HMCN1: variants seen among roughly 807,000 people sequenced by gnomAD.
HMCN1 encodes hemicentin 1, also known as hemicentin-1.
A neutral mutation model predicts 625.9 loss-of-function variants in HMCN1; 321 were observed. That is an observed-to-expected ratio of 0.51 (90% confidence interval 0.47 to 0.56). The LOEUF (loss-of-function observed/expected upper bound fraction) is 0.56. Among genes scored for constraint, HMCN1 ranks in the 20% least tolerant of loss-of-function variants. The probability of loss-of-function intolerance (pLI) is 0.00; values close to 1 mark genes in which losing one functional copy is unlikely to be tolerated. For missense variants in HMCN1, 6,588 were observed against 6,887.3 expected (o/e 0.96, Z 1.54); for synonymous variants, 2,425 against 2,417.6 (o/e 1.00, Z -0.09).
At chr1:185,751,348 C>A (rs999588346) in intron 1 of HMCN1, among the ~76,000 whole-genome samples, 3 of 151,874 alleles carry the variant, frequency 2.0e-5, no homozygotes, top group Non-Finnish European at 2.9e-5. Flanking sequence ...TTTCTGACTT[C>A]TTTTGTTGTT....
chr1:186,173,293 T>C (rs530882574), intron 102 of HMCN1, among the ~76,000 whole-genome samples: 27 of 152,274 alleles, frequency 1.8e-4, no homozygotes, highest in African/African-American at 6.5e-4. Context: ...AAGTTCATGG[T>C]GGTTTAGTAT....
At chr1:185,738,281 C>G (rs545714922) in intron 1 of HMCN1, among the ~76,000 whole-genome samples, 118 of 152,252 alleles carry the variant, frequency 7.8e-4, no homozygotes, top group African/African-American at 2.7e-3. Flanking sequence ...AAAACAAATC[C>G]TGCACCCTTC....
chr1:185,799,251 C>A (rs1255073363), intron 1 of HMCN1, among the ~76,000 whole-genome samples: 1 of 152,146 alleles, frequency 6.6e-6, no homozygotes, highest in African/African-American at 2.4e-5. Context: ...TGGTGGAAGT[C>A]TCAAGAGGCT....
At position 186,143,742 on chromosome 1, in the gene HMCN1, G is replaced by A. The variant is rs139162180; in HGVS notation, c.13925-431G>A. On this transcript the variant is annotated intron_variant, in intron 89 of 106. Coordinates refer to ENST00000271588, the MANE Select transcript of HMCN1 (RefSeq NM_031935.3). ...TGTCTAGGGTCCAAATTATCTTTGT[G>A]GAAATATTTGTATTGTCTATAACCA... is the stretch of plus-strand genomic sequence containing the variant. Among the ~76,000 whole-genome samples the A allele has an allele frequency of 3.7e-3, 569 of 152,248 alleles. 7 individuals carry two copies. Among genetic ancestry groups the A allele is most frequent in the African/African-American group, 0.013 (552 of 41,542 alleles).
intron 10 of HMCN1, among the ~76,000 whole-genome samples, chr1:185,929,473 T>C (rs1360294822): frequency 6.6e-6 from 1 of 152,196 alleles, no homozygotes; most frequent in African/African-American, 2.4e-5. Context: ...TCAGCATTTA[T>C]CTATAATTGG....
At chr1:185,930,994 T>C (rs1022784915) in intron 10 of HMCN1, among the ~76,000 whole-genome samples, 4 of 151,764 alleles carry the variant, frequency 2.6e-5, no homozygotes, top group African/African-American at 9.7e-5. Flanking sequence ...CGAAAACTTG[T>C]CAAGGGCATG....
intron 9 of HMCN1, among the ~76,000 whole-genome samples, 160 bp from the exon 10 acceptor site, chr1:185,928,386 A>G (rs1667380885): frequency 6.6e-6 from 1 of 152,152 alleles, no homozygotes; most frequent in African/African-American, 2.4e-5. Flanking sequence ...TAAAATATAA[A>G]TGGTGTGTCA....
intron 64 of HMCN1, among the ~76,000 whole-genome samples, chr1:186,091,696 T>C (rs1659852104): frequency 6.6e-6 from 1 of 152,008 alleles, no homozygotes; most frequent in Non-Finnish European, 1.5e-5. Flanking sequence ...GATTACTTCA[T>C]CACAAAATCC....
At position 186,184,110 on chromosome 1, in the gene HMCN1, A is replaced by G. The variant is rs926437688; in HGVS notation, c.16414+1823A>G. On this transcript the variant is annotated intron_variant, in intron 105 of 106. Transcript: ENST00000271588. Reference sequence around the variant, plus strand: ...ACTCACTTAGTTCAAAACGTTCTTCAGCTTTCAGTTGTGCTACAGAGAGTG... The same window carrying G: ...ACTCACTTAGTTCAAAACGTTCTTCGGCTTTCAGTTGTGCTACAGAGAGTG... 4.6e-5 allele frequency among the ~76,000 whole-genome samples: 7 copies of G among 152,240 alleles called. No homozygotes were observed. In the East Asian group the frequency reaches 1.4e-3, roughly 29 times the overall value.
intron 68 of HMCN1, among the ~76,000 whole-genome samples, chr1:186,098,216 A>T (rs907698726): frequency 1.3e-5 from 2 of 152,128 alleles, no homozygotes; most frequent in African/African-American, 4.8e-5. Flanking sequence ...ATTATATCAA[A>T]CAAAAAGCTT....
chr1:186,147,942 C>T (rs1005780474), intron 93 of HMCN1, among the ~76,000 whole-genome samples: 4 of 152,190 alleles, frequency 2.6e-5, no homozygotes, highest in African/African-American at 7.2e-5. Context: ...ACAAGAATGA[C>T]ATTTGCCACA....
intron 2 of HMCN1, among the ~76,000 whole-genome samples, chr1:185,860,852 A>G (rs1247996258): frequency 6.6e-6 from 1 of 152,184 alleles, no homozygotes; most frequent in East Asian, 1.9e-4. Context: ...ATGTTTCACA[A>G]AGTGGCTTTT....
At chr1:186,068,535 T>C (rs187747029) in intron 50 of HMCN1, among the ~76,000 whole-genome samples, 1 of 152,192 alleles carries the variant, frequency 6.6e-6, no homozygotes, top group African/African-American at 2.4e-5. Context: ...TTCTGAATAG[T>C]CAGGGGGTAT....
rs79284022 is a variant in HMCN1, at chr1:186,060,891, A to C, written c.7313-960A>C. Among the ~76,000 whole-genome samples, 297 of 151,988 alleles carry C rather than the reference A, an allele frequency of 2.0e-3. 11 individuals are homozygous for C. The South Asian group carries it at 0.039, about 20-fold the overall frequency. On this transcript the variant is annotated intron_variant, in intron 46 of 106. Transcript: ENST00000271588. ...CTAGGACTCTTTTCCTAACCATCTG[A>C]TCACAGGTGTCTTTCTAAGCACGAA...
chr1:186,055,087 G>T lies in HMCN1; in HGVS notation c.6863-306G>T, dbSNP rs533002815. On this transcript the variant is annotated intron_variant, in intron 44 of 106. Coordinates refer to ENST00000271588, the MANE Select transcript of HMCN1 (RefSeq NM_031935.3). ...TTAAATAAGTATTAGGAAGACTTAC[G>T]TAAGGCAGGGCTACAAGTGATAAGT... Among the ~76,000 whole-genome samples the T allele has an allele frequency of 3.3e-5, 5 of 152,034 alleles. No homozygotes were observed. In the East Asian group the frequency reaches 9.7e-4, roughly 29 times the overall value.
Position 185,846,626 on chromosome 1 carries a change from C to G in HMCN1, c.339+530C>G, listed in dbSNP as rs1352737069. Among the ~76,000 whole-genome samples, 3 of 152,258 alleles carry G rather than the reference C, an allele frequency of 2.0e-5. No individual in the cohort carries two copies. The East Asian group carries it at 5.8e-4, about 29-fold the overall frequency. ...AGGTAAAGTTGCAATGCATCTTCTT[C>G]TGGTGCTGAATTTATTCATTTAAAA... is the stretch of plus-strand genomic sequence containing the variant. On this transcript the variant is annotated intron_variant, in intron 2 of 106. Transcript: ENST00000271588.
At position 185,762,335 on chromosome 1, in the gene HMCN1, T is replaced by TCATTTA. The variant is rs534866674; in HGVS notation, c.268+27291_268+27296dup. On this transcript the variant is annotated intron_variant, in intron 1 of 106. Coordinates refer to ENST00000271588, the MANE Select transcript of HMCN1 (RefSeq NM_031935.3). ...GCTTTGCTGATGTCTTGTAGAACTT[T>TCATTTA]CATTTACAAATGCCTTAGTGTGTAT... Among the ~76,000 whole-genome samples the TCATTTA allele has an allele frequency of 1.4e-4, 21 of 152,322 alleles. No homozygotes were observed. In the South Asian group the frequency reaches 4.3e-3, roughly 32 times the overall value.
At chr1:185,837,596 T>C (rs1200816327) in intron 1 of HMCN1, among the ~76,000 whole-genome samples, 1 of 152,172 alleles carries the variant, frequency 6.6e-6, no homozygotes, top group Non-Finnish European at 1.5e-5. Flanking sequence ...CTTATATTGC[T>C]TTGAAAAGTA....
chr1:185,849,585 G>A (rs1471415699), intron 2 of HMCN1, among the ~76,000 whole-genome samples: 3 of 152,100 alleles, frequency 2.0e-5, no homozygotes, highest in East Asian at 3.8e-4. Context: ...TACTGTCATC[G>A]ATTCACTGTT....
Sources: allele counts gnomAD v4.1 joint callset (sites outside exome capture counted in the v4.1 genomes callset), GRCh38; gene constraint gnomAD v4.1.1; transcripts MANE v1.5; gene names NCBI Gene and HGNC (gene_info 2026-07-23, HGNC 2026-07-21).